Variants in MIS18BP1 observed in about 807,000 individuals in gnomAD.
The protein encoded by MIS18BP1 is MIS18 binding protein 1, also known as mis18-binding protein 1.
A neutral mutation model predicts 116.1 loss-of-function variants in MIS18BP1; 72 were observed. That is an observed-to-expected ratio of 0.62 (90% CI 0.51 to 0.75). The LOEUF is 0.75. Among genes scored for constraint, MIS18BP1 ranks in the 30% least tolerant of loss-of-function variants. The pLI, the probability that MIS18BP1 is intolerant of heterozygous loss-of-function variation, is 0.00. For synonymous variants in MIS18BP1, 386 were observed against 427.0 expected (o/e 0.90, Z 1.18); for missense variants, 1,363 against 1,303.2 (o/e 1.05, Z -0.71).
intron 5 of MIS18BP1, 44 bp from the exon 6 acceptor site, chr14:45,235,988 A>G (rs1275319849): frequency 6.7e-7 from 1 of 1,501,086 alleles, no homozygotes; most frequent in South Asian, 1.2e-5. Context: ...ATATTCATAT[A>G]GAAATTTCTA....
intron 13 of MIS18BP1, among the ~76,000 whole-genome samples, chr14:45,212,457 C>A (rs988157639): frequency 6.6e-6 from 1 of 152,120 alleles, no homozygotes; most frequent in Non-Finnish European, 1.5e-5. Context: ...GGCCTCCCCA[C>A]CCCCCACCAG....
At position 45,204,213 on chromosome 14, in the gene MIS18BP1, C is replaced by G; in HGVS notation, c.3296-1G>C. ...CCAATACCAGAGTTTTCTCCTAAGT[C>G]TGTAAAGAGAAGTTTAATAAAAAGA... On this transcript the variant is annotated splice_acceptor_variant, in intron 16 of 16. Coordinates refer to ENST00000310806, the MANE Select transcript of MIS18BP1 (RefSeq NM_018353.5). LOFTEE classifies it high-confidence loss of function. 4 of 1,596,678 alleles carry G rather than the reference C, an allele frequency of 2.5e-6. No homozygotes were observed. Among genetic ancestry groups the G allele is most frequent in the Non-Finnish European group, 3.4e-6 (4 of 1,174,820 alleles).
intron 4 of MIS18BP1, among the ~76,000 whole-genome samples, chr14:45,238,540 T>C (rs1174366744): frequency 1.3e-5 from 2 of 152,206 alleles, no homozygotes; most frequent in African/African-American, 4.8e-5. Context: ...TAAAAAATTA[T>C]AGGTGATGGC....
At chr14:45,240,864 T>G (rs1360478674) in intron 4 of MIS18BP1, among the ~76,000 whole-genome samples, 1 of 152,132 alleles carries the variant, frequency 6.6e-6, no homozygotes, top group Non-Finnish European at 1.5e-5. Flanking sequence ...ATTGTGCCAC[T>G]GCACTCCAGC....
In MIS18BP1 at chr14:45,252,106, T is replaced by C. The variant is rs894287229; in HGVS notation, c.-92+929A>G. ...AGGTGGTTAAGTAAGCTGCCCAAGG[T>C]CACTTGACAATAAGTGAGAAAGAGG... On this transcript the variant is annotated intron_variant, in intron 1 of 16. Coordinates refer to ENST00000310806, the MANE Select transcript of MIS18BP1 (RefSeq NM_018353.5). Among the ~76,000 whole-genome samples the C allele has an allele frequency of 2.0e-5, 3 of 152,118 alleles. No individual in the cohort carries two copies. In the South Asian group the frequency reaches 6.2e-4, roughly 31 times the overall value.
At chr14:45,229,134 G>A (rs1029408236) in intron 8 of MIS18BP1, among the ~76,000 whole-genome samples, 1 of 151,720 alleles carries the variant, frequency 6.6e-6, no homozygotes, top group Non-Finnish European at 1.5e-5. Flanking sequence ...ATCCCTGGGG[G>A]TGGGGGTGGG....
At position 45,231,257 on chromosome 14, in the gene MIS18BP1, T is replaced by A. The variant is rs1891270067; in HGVS notation, c.1478A>T (p.Lys493Ile). 2 of 1,612,802 alleles carry A rather than the reference T, an allele frequency of 1.2e-6. No individual in the cohort carries two copies. Among genetic ancestry groups the A allele is most frequent in the South Asian group, 2.2e-5 (2 of 90,882 alleles). ...KNREKTKQKQ[K>I]TGRSVRDIRK... Reference sequence around the variant, plus strand: ...TATGTCACGGACAGATCTTCCAGTTTTCTGTTTTTGTTTGGTCTTTTCCCT... The same window carrying A: ...TATGTCACGGACAGATCTTCCAGTTATCTGTTTTTGTTTGGTCTTTTCCCT... Residue 493 changes from lysine to isoleucine, a missense_variant, in exon 8 of 17, where the codon AAA (lysine) becomes ATA (isoleucine). By Grantham distance (102) the Lys-to-Ile change is moderately radical (BLOSUM62 -3). Coordinates refer to ENST00000310806, the MANE Select transcript of MIS18BP1 (RefSeq NM_018353.5).
chr14:45,231,802 T>C (rs1260809568), intron 7 of MIS18BP1, among the ~76,000 whole-genome samples: 2 of 152,146 alleles, frequency 1.3e-5, no homozygotes, highest in African/African-American at 4.8e-5. Flanking sequence ...TGTGCTGTGA[T>C]TAAGTTTAAA....
chr14:45,248,020 A>C (rs985411799), intron 1 of MIS18BP1, among the ~76,000 whole-genome samples: 3 of 145,164 alleles, frequency 2.1e-5, no homozygotes, highest in African/African-American at 7.6e-5. Context: ...GAAATACTGT[A>C]CTTGAGTTTA....
At chr14:45,250,881 C>CA (rs1891852187) in intron 1 of MIS18BP1, among the ~76,000 whole-genome samples, 1 of 152,030 alleles carries the variant, frequency 6.6e-6, no homozygotes, top group African/African-American at 2.4e-5. Context: ...ACTAAAAATA[C>CA]AAAAAATTAG....
chr14:45,235,888 T>C lies in MIS18BP1; in HGVS notation c.1274A>G (p.Asn425Ser). Residue 425 changes from asparagine (N) to serine (S), a missense_variant, in exon 6 of 17, where the codon AAC (asparagine) becomes AGC (serine). Transcript: ENST00000310806. ...SNVIIERIEHNKLRTISGNVY... is the reference protein window; with the variant it reads ...SNVIIERIEHSKLRTISGNVY... ...GTTGCCTGATATAGTCCTAAGTTTG[T>C]TGTGCTCAATCCGCTCTATAATTAC... is the stretch of plus-strand genomic sequence containing the variant. The C allele has an allele frequency of 6.2e-7, 1 of 1,611,884 alleles. No individual in the cohort carries two copies.
At chr14:45,247,960 T>G (rs1566824293) in intron 1 of MIS18BP1, among the ~76,000 whole-genome samples, 2 of 152,074 alleles carry the variant, frequency 1.3e-5, no homozygotes, top group African/African-American at 4.8e-5. Context: ...AATGGTAAAT[T>G]GTTTTCATTC....
In MIS18BP1 at chr14:45,247,135, G is replaced by C. The variant is rs1280475688; in HGVS notation, c.152C>G (p.Ser51Cys). 6.2e-7 allele frequency: 1 copy of C among 1,612,318 alleles called. No individual in the cohort carries two copies. Among genetic ancestry groups the C allele is most frequent in the Non-Finnish European group, 8.5e-7 (1 of 1,179,618 alleles). ...PVKDLVKYQN[S>C]SLKLNDHKKN... Reference sequence around the variant, plus strand: ...TTTATGGTCATTCAATTTTAAGGAGGAGTTCTGATATTTCACCAAATCTTT... The same window carrying C: ...TTTATGGTCATTCAATTTTAAGGAGCAGTTCTGATATTTCACCAAATCTTT... The change falls in exon 2 of 17, where the codon TCC becomes TGC. Residue 51 changes from serine to cysteine, a missense_variant. Ser to Cys is a moderately radical substitution (Grantham distance 112). Coordinates refer to ENST00000310806, the MANE Select transcript of MIS18BP1 (RefSeq NM_018353.5).
At chr14:45,210,110 G>GTTT (rs528816614) in intron 14 of MIS18BP1, 24 of 232,642 alleles carry the variant, frequency 1.0e-4, no homozygotes, top group South Asian at 4.2e-4. Context: ...GGTTTCTTTA[G>GTTT]TTTTTTTTTT....
chr14:45,215,767 C>A (rs1422016569), intron 13 of MIS18BP1, among the ~76,000 whole-genome samples: 1 of 148,032 alleles, frequency 6.8e-6, no homozygotes, highest in Non-Finnish European at 1.5e-5. Flanking sequence ...TGCTGTGGCA[C>A]CATCTCAGCT....
intron 13 of MIS18BP1, among the ~76,000 whole-genome samples, chr14:45,213,648 C>T (rs2139154498): frequency 6.6e-6 from 1 of 152,276 alleles, no homozygotes; most frequent in East Asian, 1.9e-4. Context: ...TTCGTATCAA[C>T]AGAACAAAAC....
chr14:45,232,819 T>C lies in MIS18BP1; in HGVS notation c.1350A>G (p.Gly450=), dbSNP rs1891325653. ...ATTTCCTTATGAGATAATTTGGATA[T>C]CCTATTTAAGGATAAACAACAACAA... ...MIDQISMKEA[G]YPNYLIRKFM... The change falls in exon 7 of 17, where the codon GGA becomes GGG. Residue 450 remains glycine, a splice_region_variant and synonymous_variant. Transcript: ENST00000310806. 1.5e-6 allele frequency: 2 copies of C among 1,366,308 alleles called. No individual in the cohort carries two copies. Among genetic ancestry groups the C allele is most frequent in the African/African-American group, 1.4e-5 (1 of 69,080 alleles). The allele number at this position is 1,366,308 out of a possible 1,614,324, so 84.6% of individuals were successfully genotyped here. A position where few individuals can be genotyped will look rare whatever the true frequency, so the allele number is the denominator to read the frequency against.
At chr14:45,213,332 A>T (rs1476340447) in intron 13 of MIS18BP1, among the ~76,000 whole-genome samples, 1 of 152,212 alleles carries the variant, frequency 6.6e-6, no homozygotes, top group East Asian at 1.9e-4. Flanking sequence ...CTGACAGAAG[A>T]TAAACAAGAA....
intron 6 of MIS18BP1, among the ~76,000 whole-genome samples, chr14:45,233,479 A>G (rs1309310862): frequency 6.6e-6 from 1 of 152,206 alleles, no homozygotes; most frequent in Non-Finnish European, 1.5e-5. Flanking sequence ...ATTTACTTTA[A>G]CTGGACTGCT....
Sources: gnomAD v4.1 joint callset for allele counts (sites outside exome capture counted in the v4.1 genomes callset) on GRCh38, gnomAD v4.1.1 for gene constraint, MANE v1.5 for transcripts, NCBI Gene and HGNC (gene_info 2026-07-23, HGNC 2026-07-21) for gene names.